The following SNTG1 variants were observed in gnomAD, a reference collection of about 807,000 sequenced individuals.
SNTG1 encodes syntrophin gamma 1.
A neutral mutation model predicts 74.7 loss-of-function variants in SNTG1; 39 were observed. The observed-to-expected ratio is 0.52, with a 90% CI of 0.40 to 0.68. The LOEUF (loss-of-function observed/expected upper bound fraction) is 0.68, where lower values mean the gene tolerates loss of function less well. Among genes scored for constraint, SNTG1 ranks in the 30% least tolerant of loss-of-function variants. The probability of loss-of-function intolerance (pLI) is 0.00; values close to 1 mark genes in which losing one functional copy is unlikely to be tolerated. For synonymous variants in SNTG1, 254 were observed against 217.1 expected (o/e 1.17, Z -1.49); for missense variants, 685 against 609.5 (o/e 1.12, Z -1.30).
chr8:50,009,475 C>G (rs952796616), intron 1 of SNTG1, among the ~76,000 whole-genome samples: 1 of 152,114 alleles, frequency 6.6e-6, no homozygotes, highest in African/African-American at 2.4e-5. Flanking sequence ...TGTCTATCAT[C>G]TAAGCATTAG....
At chr8:50,053,897 T>G (rs1272798680) in intron 1 of SNTG1, among the ~76,000 whole-genome samples, 1 of 152,036 alleles carries the variant, frequency 6.6e-6, no homozygotes, top group Non-Finnish European at 1.5e-5. Flanking sequence ...AAGCAATTTT[T>G]GAAACACCAA....
At chr8:50,579,674 C>T (rs183403393) in intron 12 of SNTG1, among the ~76,000 whole-genome samples, 14 of 152,276 alleles carry the variant, frequency 9.2e-5, no homozygotes, top group East Asian at 1.9e-4. Flanking sequence ...GGGGCCAATG[C>T]GCAGTTCAGG....
chr8:49,922,606 A>C (rs1441135536), intron 1 of SNTG1, among the ~76,000 whole-genome samples: 1 of 152,016 alleles, frequency 6.6e-6, no homozygotes, highest in Non-Finnish European at 1.5e-5. Context: ...GATGATCCCT[A>C]CCCTTAAAAG....
chr8:50,443,862 G>A (rs745944576), intron 5 of SNTG1, among the ~76,000 whole-genome samples: 2 of 152,068 alleles, frequency 1.3e-5, no homozygotes, highest in Non-Finnish European at 2.9e-5. Flanking sequence ...GACCAGGCAC[G>A]GTGGCTCATG....
chr8:50,709,571 A>G (rs1270516120), intron 17 of SNTG1, among the ~76,000 whole-genome samples: 1 of 152,170 alleles, frequency 6.6e-6, no homozygotes, highest in Non-Finnish European at 1.5e-5. Flanking sequence ...GTGCCTACTC[A>G]GCCAGTCATA....
At chr8:50,775,264 G>A (rs2095637556) in intron 18 of SNTG1, among the ~76,000 whole-genome samples, 4 of 151,524 alleles carry the variant, frequency 2.6e-5, no homozygotes, top group African/African-American at 9.7e-5. Context: ...GTACTCTAGT[G>A]TATATATGAC....
chr8:50,264,897 T>C (rs771275810), intron 2 of SNTG1, among the ~76,000 whole-genome samples: 10 of 152,034 alleles, frequency 6.6e-5, no homozygotes, highest in African/African-American at 2.4e-4. Context: ...AGTGGACACA[T>C]TACCAGAAAG....
chr8:50,406,224 A>G (rs953760794), intron 4 of SNTG1, among the ~76,000 whole-genome samples: 19 of 152,018 alleles, frequency 1.2e-4, no homozygotes, highest in African/African-American at 4.6e-4. Context: ...TTCTTTTAGC[A>G]ATGTTTTGTT....
intron 8 of SNTG1, among the ~76,000 whole-genome samples, chr8:50,473,690 T>A (rs1337347256): frequency 1.3e-5 from 2 of 152,166 alleles, no homozygotes; most frequent in African/African-American, 2.4e-5. Flanking sequence ...GATGAATGGA[T>A]AAACAAAATG....
intron 1 of SNTG1, among the ~76,000 whole-genome samples, chr8:50,153,249 G>T (rs573216189): frequency 6.6e-6 from 1 of 152,206 alleles, no homozygotes; most frequent in Admixed American, 6.5e-5. Context: ...ACGGTTTTCA[G>T]CTCCATCAGG....
At chr8:50,039,403 C>A (rs1432417314) in intron 1 of SNTG1, among the ~76,000 whole-genome samples, 1 of 137,560 alleles carries the variant, frequency 7.3e-6, no homozygotes, top group Non-Finnish European at 1.5e-5. Context: ...TGCAGTGAGC[C>A]GAGATCGCGC....
chr8:50,545,943 A>T (rs1257337888), intron 11 of SNTG1, among the ~76,000 whole-genome samples: 1 of 152,178 alleles, frequency 6.6e-6, no homozygotes, highest in Non-Finnish European at 1.5e-5. Context: ...CTTATAGTAA[A>T]TACTTAATTC....
chr8:50,734,861 CTA>C (rs1469752388), intron 17 of SNTG1, among the ~76,000 whole-genome samples: 18 of 109,130 alleles, frequency 1.6e-4, no homozygotes, highest in African/African-American at 5.1e-4. Flanking sequence ...ATATATATAT[CTA>C]TATATATGGA....
At chr8:50,006,411 A>G (rs1478040342) in intron 1 of SNTG1, among the ~76,000 whole-genome samples, 1 of 151,906 alleles carries the variant, frequency 6.6e-6, no homozygotes, top group Non-Finnish European at 1.5e-5. Flanking sequence ...GATTTGTTTA[A>G]TTATTGGTGT....
At chr8:50,025,247 A>G (rs996689070) in intron 1 of SNTG1, among the ~76,000 whole-genome samples, 2 of 152,146 alleles carry the variant, frequency 1.3e-5, no homozygotes, top group Non-Finnish European at 2.9e-5. Context: ...CACATTTGAA[A>G]AGTATATATT....
At chr8:50,510,487 A>G (rs1342357037) in intron 9 of SNTG1, among the ~76,000 whole-genome samples, 1 of 152,196 alleles carries the variant, frequency 6.6e-6, no homozygotes, top group Admixed American at 6.5e-5. Flanking sequence ...TTCAGAAGGA[A>G]TGGTACCAGC....
In SNTG1 at chr8:50,704,727, C is replaced by G; in HGVS notation, c.1166C>G (p.Thr389Ser). ...AQWERAFQTATFLEVERIQCK... is the reference protein window; with the variant it reads ...AQWERAFQTASFLEVERIQCK... ...TGGGAAAGAGCCTTCCAGACAGCAA[C>G]CTTTCTAGAAGTAGAACGGATACAG... Residue 389 changes from threonine to serine, a missense_variant, in exon 16 of 19, where the codon ACC becomes AGC. Thr to Ser is a moderately conservative substitution (Grantham distance 58, BLOSUM62 1). Transcript: ENST00000642720. 1 of 1,614,108 alleles carries G rather than the reference C, an allele frequency of 6.2e-7. No homozygotes were observed. The highest frequency in any genetic ancestry group is 8.5e-7 in the Non-Finnish European group (1 of 1,180,006).
Position 50,501,154 on chromosome 8 carries a change from G to A in SNTG1, c.364-1624G>A, listed in dbSNP as rs568256218. ...TTGCTGCCTTGCCTGGTATTAGTGC[G>A]GCTCCTTTACAATCCAGAGGTGGTA... On this transcript the variant is annotated intron_variant, in intron 8 of 18. Transcript: ENST00000642720. 4.6e-4 allele frequency among the ~76,000 whole-genome samples: 70 copies of A among 152,092 alleles called. 1 individual carries two copies. The highest frequency in any genetic ancestry group is 1.5e-3 in the African/African-American group (63 of 41,494).
rs200670740 is a variant in SNTG1 at position 50,502,916 on chromosome 8, A to G, written c.466+36A>G. The G allele has an allele frequency of 4.2e-4, 603 of 1,451,326 alleles. 2 individuals are homozygous for G. The African/African-American group carries it at 6.8e-3, about 16-fold the overall frequency. 89.9% of individuals were successfully genotyped at this position (1,451,326 alleles called of 1,614,324 possible). On this transcript the variant is annotated intron_variant, in intron 9 of 18. Transcript: ENST00000642720. ...ATAAAGAATAGATAAAAGTGCTCAC[A>G]TCATTATAGTTACATAATTATTATT...
Sources: gnomAD v4.1 joint callset for allele counts (sites outside exome capture counted in the v4.1 genomes callset) on GRCh38, gnomAD v4.1.1 for gene constraint, MANE v1.5 for transcripts, NCBI Gene and HGNC (gene_info 2026-07-23, HGNC 2026-07-21) for gene names.